The following KIF1B variants were observed in gnomAD, a reference collection of about 807,000 sequenced individuals.
The protein encoded by KIF1B is kinesin family member 1B.
A neutral mutation model predicts 241.9 loss-of-function variants in KIF1B; 76 were observed. That is an observed-to-expected ratio of 0.31 (90% CI 0.26 to 0.38). The LOEUF (loss-of-function observed/expected upper bound fraction) is 0.38. KIF1B is among the 10% of genes least tolerant of loss of function. KIF1B has a pLI of 1.00. For synonymous variants in KIF1B, 750 were observed against 796.7 expected (o/e 0.94, Z 0.99); for missense variants, 1,622 against 2,271.4 (o/e 0.71, Z 5.81).
At chr1:10,229,349 A>G (rs2102122328) in intron 1 of KIF1B, among the ~76,000 whole-genome samples, 1 of 152,316 alleles carries the variant, frequency 6.6e-6, no homozygotes, top group East Asian at 1.9e-4. Context: ...AAGGACTTAA[A>G]CAGATAATTC....
intron 17 of KIF1B, among the ~76,000 whole-genome samples, chr1:10,294,128 T>G (rs1650143859): frequency 6.6e-6 from 1 of 152,210 alleles, no homozygotes; most frequent in Non-Finnish European, 1.5e-5. Context: ...TCTTCCACAT[T>G]TGCTGGCACT....
At position 10,303,660 on chromosome 1, in the gene KIF1B, G is replaced by A. The variant is rs749170030; in HGVS notation, c.2115+6414G>A. The A allele has an allele frequency of 6.2e-7, 1 of 1,614,176 alleles. No individual in the cohort carries two copies. The highest frequency in any genetic ancestry group is 1.1e-5 in the South Asian group (1 of 91,076). On this transcript the variant is annotated intron_variant, in intron 22 of 48. Coordinates refer to ENST00000676179, the MANE Select transcript of KIF1B (RefSeq NM_001365951.3). This position sits in a 1 kb window ranked among gnomAD's most constrained non-coding sequence, Gnocchi z 5.2. ...ATGACCTCAAGGTTCATATAGACAA[G>A]CTGGAAGATATTTTGCAAGAAGTCA...
At chr1:10,216,957 C>CTTTTTTTTTTTTTTT (rs70998362) in intron 1 of KIF1B, among the ~76,000 whole-genome samples, 3 of 54,504 alleles carry the variant, frequency 5.5e-5, no homozygotes, top group African/African-American at 2.0e-4. Context: ...TGCCCATTTT[C>CTTTTTTTTTTTTTTT]TTTTTTTTTT....
At position 10,258,487 on chromosome 1, in the gene KIF1B, T is replaced by G. The variant is rs761723354; in HGVS notation, c.184-6T>G. On this transcript the variant is annotated splice_region_variant and splice_polypyrimidine_tract_variant and intron_variant, in intron 3 of 48. Coordinates refer to ENST00000676179, the MANE Select transcript of KIF1B (RefSeq NM_001365951.3). ...GGTTATTTATTTCTCCTTTTACTCT[T>G]TACAGCCCGAAGATCCCTGTTTTGC... 37 of 1,539,432 alleles carry G rather than the reference T, an allele frequency of 2.4e-5. No homozygotes were observed. In the African/African-American group the frequency reaches 4.7e-4, roughly 20 times the overall value.
At chr1:10,372,949 G>A (rs1167799319) in intron 45 of KIF1B, among the ~76,000 whole-genome samples, 2 of 151,530 alleles carry the variant, frequency 1.3e-5, no homozygotes, top group African/African-American at 2.4e-5. Flanking sequence ...AAGTAGCTGG[G>A]ATTACAGGCA....
chr1:10,326,441 C>A lies in KIF1B; in HGVS notation c.2924+82C>A. The A allele has an allele frequency of 6.4e-7, 1 of 1,568,736 alleles. No homozygotes were observed. The highest frequency in any genetic ancestry group is 8.7e-7 in the Non-Finnish European group (1 of 1,143,982). ...TCCCTGCTTGCACAATTTTGGATAACCTTGCATTAGCCAATTCAACTCATG... is the reference window on the plus strand; with the variant it reads ...TCCCTGCTTGCACAATTTTGGATAAACTTGCATTAGCCAATTCAACTCATG... On this transcript the variant is annotated intron_variant, in intron 27 of 48. Coordinates refer to ENST00000676179, the MANE Select transcript of KIF1B (RefSeq NM_001365951.3). The surrounding 1 kb of genome is among the most constrained non-coding windows in gnomAD (Gnocchi z 5.2).
At chr1:10,315,034 A>G (rs1375549715) in intron 22 of KIF1B, among the ~76,000 whole-genome samples, 2 of 151,070 alleles carry the variant, frequency 1.3e-5, no homozygotes, top group Non-Finnish European at 2.9e-5. Context: ...TTTGAAACAG[A>G]GAAGCTGAAA....
rs1450941304 is a variant in KIF1B at position 10,345,902 on chromosome 1, A to G, written c.3746A>G (p.Lys1249Arg). The change falls in exon 35 of 49, where the codon AAG becomes AGG. Residue 1249 changes from lysine to arginine, a missense_variant. By Grantham distance (26) the Lys-to-Arg change is conservative. Coordinates refer to ENST00000676179, the MANE Select transcript of KIF1B (RefSeq NM_001365951.3). ...SKTSLGQSMS[K>R]YDLLVWFEIS... is the part of the protein sequence containing the mutation. ...ACCAGCCTTGGCCAGAGCATGAGCA[A>G]GTATGACCTCCTGGTTTGGTTTGAG... is the stretch of plus-strand genomic sequence containing the variant. 6 of 1,614,068 alleles carry G rather than the reference A, an allele frequency of 3.7e-6. No individual in the cohort carries two copies. In the African/African-American group the frequency reaches 6.7e-5, roughly 18 times the overall value.
Position 10,376,632 on chromosome 1 carries a change from A to G in KIF1B, c.*45A>G, listed in dbSNP as rs780531711. 24 of 1,557,492 alleles carry G rather than the reference A, an allele frequency of 1.5e-5. No homozygotes were observed. The Admixed American group carries it at 3.2e-4, about 21-fold the overall frequency. On this transcript the variant is annotated 3_prime_UTR_variant, in exon 49 of 49. Transcript: ENST00000676179. ...TCACTCGCCTTCGAGAGATAAAGAA[A>G]GCGTTACCTCTCATTTCTCTTTGTG...
chr1:10,331,527 T>C (rs1651921123), intron 27 of KIF1B, among the ~76,000 whole-genome samples: 1 of 152,244 alleles, frequency 6.6e-6, no homozygotes, highest in African/African-American at 2.4e-5. Context: ...TTGTATTTCA[T>C]TTATGCTCTA....
intron 37 of KIF1B, 129 bp downstream of exon 37, chr1:10,348,862 A>G: frequency 1.4e-6 from 1 of 732,004 alleles, no homozygotes; most frequent in South Asian, 1.5e-5. Context: ...TGTAGCCTCA[A>G]ACTCCTGGGC....
chr1:10,279,905 GT>G (rs1393700870), intron 14 of KIF1B, among the ~76,000 whole-genome samples: 1 of 151,862 alleles, frequency 6.6e-6, no homozygotes, highest in East Asian at 1.9e-4. Flanking sequence ...GTCTCGCTGT[GT>G]TTCCCAGGCT....
chr1:10,360,791 T>C lies in KIF1B; in HGVS notation c.4056-138T>C. 4.2e-6 allele frequency: 3 copies of C among 719,210 alleles called. No homozygotes were observed. In the East Asian group the frequency reaches 7.9e-5, roughly 19 times the overall value. 44.6% of individuals were successfully genotyped at this position (719,210 alleles called of 1,614,324 possible). A position where few individuals can be genotyped will look rare whatever the true frequency, so the allele number is the denominator to read the frequency against. ...TCCTCCTAGGAGATAAGGGTTCCTC[T>C]CTGTTATTAGAGTTTGATAAACTGA... On this transcript the variant is annotated intron_variant, in intron 38 of 48. Transcript: ENST00000676179.
intron 38 of KIF1B, among the ~76,000 whole-genome samples, chr1:10,359,123 GT>G (rs1462001458): frequency 6.6e-6 from 1 of 152,060 alleles, no homozygotes; most frequent in Non-Finnish European, 1.5e-5. Flanking sequence ...ATGGGGTTCA[GT>G]TTCAGAAATG....
intron 2 of KIF1B, among the ~76,000 whole-genome samples, chr1:10,249,364 T>G (rs1380576095): frequency 2.0e-5 from 3 of 152,154 alleles, no homozygotes; most frequent in African/African-American, 7.2e-5. Context: ...AATCTACTGG[T>G]ATTTTATGTA....
At chr1:10,339,389 T>G (rs1170623218) in intron 31 of KIF1B, among the ~76,000 whole-genome samples, 2 of 152,222 alleles carry the variant, frequency 1.3e-5, no homozygotes, top group East Asian at 3.8e-4. Context: ...ATCCACAGGC[T>G]CTCGCACTAA....
At chr1:10,271,280 C>T (rs751006869) in intron 7 of KIF1B, among the ~76,000 whole-genome samples, 3 of 152,032 alleles carry the variant, frequency 2.0e-5, no homozygotes, top group Non-Finnish European at 4.4e-5. Context: ...AAGGAGCTTC[C>T]TGAGTAGCTG....
chr1:10,269,651 C>A (rs1034466501), intron 7 of KIF1B, among the ~76,000 whole-genome samples: 9 of 151,794 alleles, frequency 5.9e-5, no homozygotes, highest in Non-Finnish European at 1.2e-4. Flanking sequence ...GAAACCCAGT[C>A]TCTACTAAAA....
intron 33 of KIF1B, 26 bp downstream of exon 33, chr1:10,342,194 T>G: frequency 7.4e-7 from 1 of 1,359,178 alleles, no homozygotes; most frequent in Non-Finnish European, 1.1e-6. Context: ...GCAAACATTT[T>G]TGATGGTATT....
Sources: allele counts gnomAD v4.1 joint callset (sites outside exome capture counted in the v4.1 genomes callset), GRCh38; gene constraint gnomAD v4.1.1; non-coding constraint Gnocchi (gnomAD v3.1); transcripts MANE v1.5; gene names NCBI Gene and HGNC (gene_info 2026-07-23, HGNC 2026-07-21).